CYRIB: variants seen among roughly 807,000 people sequenced by gnomAD.
CYRIB encodes CYFIP-related Rac1 interactor B.
A neutral mutation model predicts 44.2 loss-of-function variants in CYRIB; 8 were observed. The observed-to-expected ratio is 0.18, with a 90% CI of 0.11 to 0.33. CYRIB has a LOEUF of 0.33. Ranked by LOEUF, CYRIB falls within the 10% of genes least tolerant of loss-of-function variation. The pLI is 1.00. For synonymous variants in CYRIB, 131 were observed against 127.2 expected (o/e 1.03, Z -0.20); for missense variants, 185 against 382.8 (o/e 0.48, Z 4.31).
At chr8:129,941,027 C>A (rs968731740), upstream of CYRIB, among the ~76,000 whole-genome samples, 1 of 152,116 alleles carries the variant, frequency 6.6e-6, no homozygotes, top group Non-Finnish European at 1.5e-5. Context: ...AGAAGGGCAG[C>A]CCTTACCTTA....
chr8:129,873,402 A>G (rs541590956), intron 3 of CYRIB, among the ~76,000 whole-genome samples: 7 of 152,126 alleles, frequency 4.6e-5, no homozygotes, highest in African/African-American at 1.7e-4. Context: ...TAGCCAGACC[A>G]TATTTTCCAA....
intron 4 of CYRIB, 68 bp from the exon 7 acceptor site, chr8:129,862,402 T>C: frequency 2.4e-6 from 3 of 1,232,342 alleles, no homozygotes; most frequent in South Asian, 1.3e-5. Context: ...TACATTAAAA[T>C]GTAGGCTTTA....
chr8:129,993,549 T>C (rs191395150), intron 1 of CYRIB, among the ~76,000 whole-genome samples: 131 of 150,836 alleles, frequency 8.7e-4, no homozygotes, highest in African/African-American at 3.1e-3. Context: ...ATACAAAAAT[T>C]AGTCAGGTGT....
At chr8:129,939,798 G>C (rs937846315) in exon 1 of CYRIB, 1 of 152,270 alleles carries the variant, frequency 6.6e-6, no homozygotes, top group African/African-American at 2.4e-5. Flanking sequence ...CTCCGAGCGG[G>C]GAGGGCAAGT....
chr8:129,891,907 A>T (rs75031576), intron 2 of CYRIB, among the ~76,000 whole-genome samples: 2,689 of 152,314 alleles, frequency 0.018, 93 homozygotes, highest in African/African-American at 0.061. Context: ...CAATGGATAT[A>T]ATAAATTAGG....
chr8:129,992,490 C>T (rs930437133), intron 1 of CYRIB, among the ~76,000 whole-genome samples: 2 of 152,122 alleles, frequency 1.3e-5, no homozygotes, highest in African/African-American at 4.8e-5. Flanking sequence ...TATGAGTTCA[C>T]TGTTTTTCGC....
At chr8:129,913,352 T>TA (rs1353052088) in intron 1 of CYRIB, among the ~76,000 whole-genome samples, 1 of 152,216 alleles carries the variant, frequency 6.6e-6, no homozygotes, top group Non-Finnish European at 1.5e-5. Flanking sequence ...GTAATTACAG[T>TA]AAAAGCTTTT....
At chr8:129,965,976 C>T (rs569425650) in intron 2 of CYRIB, among the ~76,000 whole-genome samples, 54 of 152,022 alleles carry the variant, frequency 3.6e-4, no homozygotes, top group Admixed American at 5.9e-4. Flanking sequence ...GTCGGCTTCC[C>T]GAGTAACTGG....
intron 1 of CYRIB, among the ~76,000 whole-genome samples, chr8:129,933,896 AAAGAAGAAGAAG>A (rs71923726): frequency 5.3e-5 from 8 of 150,470 alleles, no homozygotes; most frequent in Non-Finnish European, 1.0e-4. Flanking sequence ...ACAAAAAAAA[AAAGAAGAAGAAG>A]AAGAAGAAGA....
intron 1 of CYRIB, among the ~76,000 whole-genome samples, chr8:129,924,293 G>GGGC (rs2085918152): frequency 2.4e-5 from 2 of 82,454 alleles, no homozygotes; most frequent in Admixed American, 2.3e-4. Flanking sequence ...AAAAAAACCG[G>GGGC]GGGGGGGGGG....
At chr8:129,977,570 CA>C (rs2095992270) in intron 1 of CYRIB, among the ~76,000 whole-genome samples, 1 of 151,406 alleles carries the variant, frequency 6.6e-6, no homozygotes. Flanking sequence ...CTCGCTCTGT[CA>C]CCCAGGCTGG....
chr8:129,890,182 C>T (rs1023316719), intron 2 of CYRIB, among the ~76,000 whole-genome samples: 3 of 152,218 alleles, frequency 2.0e-5, no homozygotes, highest in Non-Finnish European at 4.4e-5. Context: ...TCTGAAAGTA[C>T]TGCTTCCAAT....
intron 9 of CYRIB, chr8:129,849,591 G>C: frequency 2.6e-6 from 1 of 385,784 alleles, no homozygotes; most frequent in South Asian, 3.4e-5. Flanking sequence ...CTTTAATGAG[G>C]TGATTCAACT....
chr8:129,887,666 A>T (rs1346738439), intron 2 of CYRIB, among the ~76,000 whole-genome samples: 2 of 152,204 alleles, frequency 1.3e-5, no homozygotes, highest in African/African-American at 4.8e-5. Context: ...GAGCTGCAAA[A>T]GGCATTAGGA....
At chr8:129,847,827 A>C (rs2041023153) in intron 10 of CYRIB, among the ~76,000 whole-genome samples, 2 of 152,116 alleles carry the variant, frequency 1.3e-5, no homozygotes, top group South Asian at 4.1e-4. Context: ...TTTGAGATGG[A>C]GTCTCGCTCT....
chr8:129,939,777 C>G (rs1252470249), exon 1 of CYRIB: 2 of 152,208 alleles, frequency 1.3e-5, no homozygotes, highest in Admixed American at 1.3e-4. Context: ...CCGCGACAAG[C>G]CAGGCGGCAG....
At chr8:129,940,043 A>C (rs2093555567), upstream of CYRIB, 1 of 152,014 alleles carries the variant, frequency 6.6e-6, no homozygotes, top group Admixed American at 6.5e-5. Flanking sequence ...ACCCCCTTGC[A>C]CCCCGGCCTC....
At chr8:129,936,728 A>G (rs2092863508) in intron 1 of CYRIB, among the ~76,000 whole-genome samples, 1 of 132,460 alleles carries the variant, frequency 7.5e-6, no homozygotes, top group African/African-American at 2.9e-5. Flanking sequence ...TTTTTTTGAG[A>G]CGGAGTCTTG....
intron 1 of CYRIB, among the ~76,000 whole-genome samples, chr8:129,903,841 T>C (rs946648996): frequency 5.3e-5 from 8 of 152,224 alleles, no homozygotes; most frequent in Non-Finnish European, 8.8e-5. Flanking sequence ...TAACCTATTA[T>C]TTGCCAGGGA....
Sources: allele counts gnomAD v4.1 joint callset (sites outside exome capture counted in the v4.1 genomes callset), GRCh38; gene constraint gnomAD v4.1.1; transcripts MANE v1.5; gene names NCBI Gene and HGNC (gene_info 2026-07-23, HGNC 2026-07-21).